BBS4: variants seen among roughly 807,000 people sequenced by gnomAD.
BBS4 encodes the protein BBSome complex member BBS4.
A neutral mutation model predicts 71.4 loss-of-function variants in BBS4; 58 were observed. The observed-to-expected ratio is 0.81, with a 90% CI of 0.66 to 1.01. The LOEUF (loss-of-function observed/expected upper bound fraction) is 1.01. Among genes scored for constraint, BBS4 ranks in the 50% least tolerant of loss-of-function variants. The probability of loss-of-function intolerance (pLI) is 0.00; values close to 1 mark genes in which losing one functional copy is unlikely to be tolerated. For synonymous variants in BBS4, 228 were observed against 216.8 expected (o/e 1.05, Z -0.46); for missense variants, 660 against 607.9 (o/e 1.09, Z -0.90).
At position 72,730,544 on chromosome 15, in the gene BBS4, AT is replaced by A. The variant is rs1171812517; in HGVS notation, c.712-760del. 7.5e-5 allele frequency among the ~76,000 whole-genome samples: 11 copies of A among 147,362 alleles called. No individual in the cohort carries two copies. In the Admixed American group the frequency reaches 7.5e-4, roughly 10 times the overall value. On this transcript the variant is annotated intron_variant, in intron 10 of 15. Coordinates refer to ENST00000268057, the MANE Select transcript of BBS4 (RefSeq NM_033028.5). Reference sequence around the variant, plus strand: ...GAGTTTGAGTCTACAGTGGGCTATGATGGCACCACTATACTCCAGCCTGGGT... The same window carrying A: ...GAGTTTGAGTCTACAGTGGGCTATGAGGCACCACTATACTCCAGCCTGGGT...
At position 72,737,634 on chromosome 15, in the gene BBS4, T is replaced by C. The variant is rs377379595; in HGVS notation, c.*47T>C. On this transcript the variant is annotated 3_prime_UTR_variant, in exon 16 of 16. Transcript: ENST00000268057. The stretch of plus-strand genomic sequence containing the variant: ...AATAGGGTTTTCTTGGGCGAGGATG[T>C]GCTGGATTAGGAAAGGTGACATGAC... 8 of 1,446,396 alleles carry C rather than the reference T, an allele frequency of 5.5e-6. No homozygotes were observed. Among genetic ancestry groups the C allele is most frequent in the Non-Finnish European group, 7.6e-6 (8 of 1,052,160 alleles). The allele number at this position is 1,446,396 out of a possible 1,614,324, so 89.6% of individuals were successfully genotyped here.
At chr15:72,691,376 A>C (rs755275472) in intron 1 of BBS4, among the ~76,000 whole-genome samples, 17 of 152,182 alleles carry the variant, frequency 1.1e-4, no homozygotes, top group Non-Finnish European at 2.1e-4. Flanking sequence ...CCAGGTTAGG[A>C]AATGGGTTAT....
intron 2 of BBS4, 44 bp downstream of exon 2, chr15:72,695,272 ATTTCTCTTT>A: frequency 7.7e-7 from 1 of 1,290,492 alleles, no homozygotes; most frequent in Non-Finnish European, 1.1e-6. Flanking sequence ...GCACAGACAG[ATTTCTCTTT>A]TATTTATTTA....
intron 10 of BBS4, among the ~76,000 whole-genome samples, chr15:72,730,855 C>T (rs374708809): frequency 6.6e-6 from 1 of 152,218 alleles, no homozygotes; most frequent in East Asian, 1.9e-4. Flanking sequence ...AAAGCTGACT[C>T]GCCCTCTGTT....
intron 6 of BBS4, chr15:72,717,089 T>G: frequency 1.9e-6 from 1 of 528,968 alleles, no homozygotes; most frequent in Non-Finnish European, 3.4e-6. Flanking sequence ...AGTCTGATTC[T>G]TGTTGATGAC....
intron 1 of BBS4, among the ~76,000 whole-genome samples, chr15:72,691,170 C>T (rs573918261): frequency 1.6e-4 from 24 of 152,086 alleles, no homozygotes; most frequent in Non-Finnish European, 2.5e-4. Context: ...TTTGTAGAGG[C>T]GGGGTTTTGC....
rs1331075390 is a variant in BBS4 at position 72,731,751 on chromosome 15, T to G, written c.1036+25T>G. ...GGTAAGAAACATTTATGTGGAAAAC[T>G]CTCTCTGCCATCTGTAATGAGGGAA... On this transcript the variant is annotated intron_variant, in intron 12 of 15. Transcript: ENST00000268057. The G allele has an allele frequency of 3.1e-6, 5 of 1,613,372 alleles. No homozygotes were observed. The East Asian group carries it at 6.7e-5, about 22-fold the overall frequency.
chr15:72,716,640 C>T lies in BBS4; in HGVS notation c.333-138C>T, dbSNP rs1041789429. The T allele has an allele frequency of 1.7e-5, 12 of 701,590 alleles. No individual in the cohort carries two copies. The Admixed American group carries it at 2.2e-4, about 13-fold the overall frequency. 43.5% of individuals were successfully genotyped at this position (701,590 alleles called of 1,614,324 possible). ...GTTAGTGTATAGCAGCTTCACTGACCAAACCAGCACAACCACCTCATAGAG... is the reference window on the plus strand; with the variant it reads ...GTTAGTGTATAGCAGCTTCACTGACTAAACCAGCACAACCACCTCATAGAG... On this transcript the variant is annotated intron_variant, in intron 5 of 15. Coordinates refer to ENST00000268057, the MANE Select transcript of BBS4 (RefSeq NM_033028.5).
intron 4 of BBS4, among the ~76,000 whole-genome samples, chr15:72,714,159 C>T (rs2065425832): frequency 6.9e-6 from 1 of 145,960 alleles, no homozygotes; most frequent in African/African-American, 2.5e-5. Flanking sequence ...TGGAAATAAA[C>T]AAGATAAAGC....
At chr15:72,699,727 G>T (rs140892938) in intron 2 of BBS4, among the ~76,000 whole-genome samples, 1 of 152,256 alleles carries the variant, frequency 6.6e-6, no homozygotes, top group East Asian at 1.9e-4. Context: ...TTCACACAAA[G>T]GGAGCCATAC....
chr15:72,703,786 T>TAG (rs1343145996), intron 2 of BBS4, among the ~76,000 whole-genome samples: 2 of 152,172 alleles, frequency 1.3e-5, no homozygotes, highest in Non-Finnish European at 2.9e-5. Context: ...ACAAAAGCCT[T>TAG]AGTTATTTAG....
At position 72,735,817 on chromosome 15, in the gene BBS4, T is replaced by A. The variant is rs1361947424; in HGVS notation, c.1107-8T>A. ...CCCCCAGCTCCATAGAATCTCTGTC[T>A]GCCACAGGTGTAACCCTTTAGTAAA... On this transcript the variant is annotated splice_region_variant and splice_polypyrimidine_tract_variant and intron_variant, in intron 13 of 15. Transcript: ENST00000268057. 2.5e-6 allele frequency: 4 copies of A among 1,614,166 alleles called. No homozygotes were observed. Among genetic ancestry groups the A allele is most frequent in the Non-Finnish European group, 3.4e-6 (4 of 1,180,002 alleles).
chr15:72,689,695 A>G (rs574580008), intron 1 of BBS4, among the ~76,000 whole-genome samples: 7 of 141,720 alleles, frequency 4.9e-5, no homozygotes, highest in African/African-American at 1.6e-4. Context: ...GGACTCCAGC[A>G]GGGGCAGAGT....
At chr15:72,725,830 CATCCCCCT>C (rs2065673585) in intron 8 of BBS4, among the ~76,000 whole-genome samples, 1 of 9,808 alleles carries the variant, frequency 1.0e-4, no homozygotes, top group Non-Finnish European at 2.5e-4. Flanking sequence ...CCCCTTTCCC[CATCCCCCT>C]TTCCCCATCC....
At chr15:72,736,710 T>C (rs1369623870) in intron 14 of BBS4, 52 bp from the exon 15 acceptor site, 1 of 1,591,640 alleles carries the variant, frequency 6.3e-7, no homozygotes, top group African/African-American at 1.3e-5. Flanking sequence ...GTGGGTTGGC[T>C]TGTCTCTGAC....
At chr15:72,735,533 C>T (rs1026231580) in intron 13 of BBS4, 23 of 533,556 alleles carry the variant, frequency 4.3e-5, no homozygotes, top group East Asian at 1.4e-4. Context: ...GGATTTACTC[C>T]GCTGGCATCT....
chr15:72,723,768 T>TACTTGG (rs2065617573), intron 7 of BBS4, among the ~76,000 whole-genome samples: 1 of 152,214 alleles, frequency 6.6e-6, no homozygotes, highest in Admixed American at 6.5e-5. Flanking sequence ...TAGTTTTATA[T>TACTTGG]ACTTGGTTAG....
chr15:72,729,739 G>A, intron 10 of BBS4, 55 bp downstream of exon 10: 1 of 1,457,492 alleles, frequency 6.9e-7, no homozygotes, highest in South Asian at 1.1e-5. Flanking sequence ...ACTGCTCCTA[G>A]AGGTGATCTG....
rs1244009124 is a variant in BBS4, at chr15:72,712,302, T to A, written c.215T>A (p.Val72Asp). The A allele has an allele frequency of 1.1e-5, 17 of 1,613,418 alleles. No homozygotes were observed. Among genetic ancestry groups the A allele is most frequent in the Non-Finnish European group, 1.4e-5 (17 of 1,179,432 alleles). ...GGATTGTGTGAATATGCTATCTATG[T>A]CCAAGGTAAGACACATACTTCTTGT... is the stretch of plus-strand genomic sequence containing the variant. ...TQGLCEYAIYVQALIFRLEGN... is the reference protein window; with the variant it reads ...TQGLCEYAIYDQALIFRLEGN... Residue 72 changes from valine to aspartate, a missense_variant, in exon 4 of 16, where the codon GTC (valine) becomes GAC (aspartate). By Grantham distance (152) the Val-to-Asp change is radical. Coordinates refer to ENST00000268057, the MANE Select transcript of BBS4 (RefSeq NM_033028.5).
Sources: allele counts gnomAD v4.1 joint callset (sites outside exome capture counted in the v4.1 genomes callset), GRCh38; gene constraint gnomAD v4.1.1; transcripts MANE v1.5; gene names NCBI Gene and HGNC (gene_info 2026-07-23, HGNC 2026-07-21).